Variants in PLEKHF2 observed in about 807,000 individuals in gnomAD.
The protein encoded by PLEKHF2 is pleckstrin homology domain-containing family F member 2.
A neutral mutation model predicts 14.7 loss-of-function variants in PLEKHF2; 4 were observed. That is an observed-to-expected ratio of 0.27 (90% CI 0.13 to 0.62). The LOEUF is 0.62. Among genes scored for constraint, PLEKHF2 ranks in the 20% least tolerant of loss-of-function variants. The pLI is 0.85. For missense variants in PLEKHF2, 201 were observed against 307.7 expected, an observed-to-expected ratio of 0.65 and a Z score of 2.60; for synonymous variants, 90 against 103.5, an observed-to-expected ratio of 0.87 and a Z score of 0.79.
intron 1 of PLEKHF2, among the ~76,000 whole-genome samples, chr8:95,153,124 G>T (rs1810580066): frequency 6.6e-6 from 1 of 152,028 alleles, no homozygotes; most frequent in Non-Finnish European, 1.5e-5. Context: ...TTTAGGTTCT[G>T]CATGGTCTCT....
intron 1 of PLEKHF2, among the ~76,000 whole-genome samples, chr8:95,137,381 G>C (rs1375705787): frequency 2.0e-5 from 3 of 152,204 alleles, no homozygotes; most frequent in Non-Finnish European, 2.9e-5. Context: ...TTCAGCCTTG[G>C]CTGCACATTA....
At chr8:95,145,296 T>C (rs1810485569) in intron 1 of PLEKHF2, among the ~76,000 whole-genome samples, 1 of 152,214 alleles carries the variant, frequency 6.6e-6, no homozygotes, top group African/African-American at 2.4e-5. Flanking sequence ...TAATAATTTC[T>C]ACAACACATA....
chr8:95,136,105 A>G (rs990272503), intron 1 of PLEKHF2, among the ~76,000 whole-genome samples: 4 of 152,146 alleles, frequency 2.6e-5, no homozygotes, highest in Non-Finnish European at 5.9e-5. Context: ...CAGGCAACAC[A>G]TCGGGTCTGA....
chr8:95,137,994 A>G (rs990328765), intron 1 of PLEKHF2, among the ~76,000 whole-genome samples: 2 of 152,034 alleles, frequency 1.3e-5, no homozygotes, highest in Admixed American at 1.3e-4. Context: ...TTCAACCTTG[A>G]ACTCTGTAGT....
Position 95,154,596 on chromosome 8 carries a change from G to A in PLEKHF2, c.552G>A (p.Gly184=), listed in dbSNP as rs141475582. ...HCRKCGFVVC[G]PCSEKRFLLP... Reference sequence around the variant, plus strand: ...GCAAATGTGGTTTTGTTGTCTGTGGGCCCTGCTCTGAAAAGAGATTTCTTC... The same window carrying A: ...GCAAATGTGGTTTTGTTGTCTGTGGACCCTGCTCTGAAAAGAGATTTCTTC... Residue 184 remains glycine (G), a synonymous_variant, in exon 2 of 2, where the codon GGG becomes GGA. Transcript: ENST00000315367. The surrounding 1 kb of genome is among the most constrained non-coding windows in gnomAD (Gnocchi z 5.6). 8.7e-6 allele frequency: 14 copies of A among 1,613,980 alleles called. No individual in the cohort carries two copies. The African/African-American group carries it at 1.3e-4, about 15-fold the overall frequency.
Position 95,136,373 on chromosome 8 carries a change from C to CACAT in PLEKHF2, c.-15+2344_-15+2345insCATA, listed in dbSNP as rs10534400. On this transcript the variant is annotated intron_variant, in intron 1 of 1. Coordinates refer to ENST00000315367, the MANE Select transcript of PLEKHF2 (RefSeq NM_024613.4). ...ACACACACACACACACACACACACA[C>CACAT]ATGTTTTGTTGTTGTTTTGTTGAGA... 5.8e-3 allele frequency among the ~76,000 whole-genome samples: 835 copies of CACAT among 145,210 alleles called. 10 individuals are homozygous for CACAT. Among genetic ancestry groups the CACAT allele is most frequent in the African/African-American group, 0.02 (780 of 39,218 alleles).
At chr8:95,136,465 A>G (rs1214861170) in intron 1 of PLEKHF2, among the ~76,000 whole-genome samples, 1 of 152,130 alleles carries the variant, frequency 6.6e-6, no homozygotes, top group African/African-American at 2.4e-5. Context: ...TGAAATTTCT[A>G]AGTAGATAAT....
chr8:95,143,156 G>C (rs1563882371), intron 1 of PLEKHF2, among the ~76,000 whole-genome samples: 1 of 149,414 alleles, frequency 6.7e-6, no homozygotes, highest in Non-Finnish European at 1.5e-5. Context: ...CTGGAGTGCA[G>C]TGGCACTATC....
In PLEKHF2 at chr8:95,135,548, G is replaced by A. The variant is rs149396949; in HGVS notation, c.-15+1518G>A. On this transcript the variant is annotated intron_variant, in intron 1 of 1. Transcript: ENST00000315367. The stretch of plus-strand genomic sequence containing the variant: ...CCTGAGTAGTTAGGACTACAGGAGC[G>A]CATCACCACACCTGGCTAATTTTTG... Among the ~76,000 whole-genome samples the A allele has an allele frequency of 6.2e-3, 938 of 152,218 alleles. 12 individuals are homozygous for A. Among genetic ancestry groups the A allele is most frequent in the African/African-American group, 0.022 (899 of 41,506 alleles).
chr8:95,143,809 T>A (rs890309632), intron 1 of PLEKHF2, among the ~76,000 whole-genome samples: 2 of 152,224 alleles, frequency 1.3e-5, no homozygotes, highest in Non-Finnish European at 2.9e-5. Context: ...GGATTTTAGA[T>A]TTGATTCTGT....
intron 1 of PLEKHF2, among the ~76,000 whole-genome samples, chr8:95,135,531 G>C (rs1045817807): frequency 5.3e-5 from 8 of 152,186 alleles, no homozygotes; most frequent in Non-Finnish European, 8.8e-5. Flanking sequence ...CTCCTGAGTA[G>C]TTAGGACTAC....
intron 1 of PLEKHF2, among the ~76,000 whole-genome samples, chr8:95,151,025 G>T (rs1348994617): frequency 9.9e-5 from 15 of 152,090 alleles, no homozygotes; most frequent in Admixed American, 9.8e-4. Flanking sequence ...TCAGCACATT[G>T]GTTGGACTCC....
rs113385638 is a variant in PLEKHF2, at chr8:95,151,363, GT to G, written c.-14-2658del. Among the ~76,000 whole-genome samples, 351 of 149,356 alleles carry G rather than the reference GT, an allele frequency of 2.4e-3. 1 individual carries two copies. Among genetic ancestry groups the G allele is most frequent in the African/African-American group, 7.9e-3 (325 of 40,912 alleles). The stretch of plus-strand genomic sequence containing the variant: ...AGGTGGAGAGAAATAGATCCTTTCA[GT>G]TTTTTTTTTAAAGTGCCAATGTCTT... On this transcript the variant is annotated intron_variant, in intron 1 of 1. Transcript: ENST00000315367.
chr8:95,145,986 A>C (rs1810496481), intron 1 of PLEKHF2, among the ~76,000 whole-genome samples: 1 of 152,178 alleles, frequency 6.6e-6, no homozygotes, highest in Non-Finnish European at 1.5e-5. Context: ...TCCATTCTCC[A>C]GTTGCTTGTT....
At chr8:95,149,973 G>A (rs1162461381) in intron 1 of PLEKHF2, among the ~76,000 whole-genome samples, 4 of 152,084 alleles carry the variant, frequency 2.6e-5, no homozygotes, top group African/African-American at 4.8e-5. Context: ...GGTAAATTTA[G>A]ATTTGGGCTT....
At chr8:95,144,204 G>T (rs1264932026) in intron 1 of PLEKHF2, among the ~76,000 whole-genome samples, 1 of 152,062 alleles carries the variant, frequency 6.6e-6, no homozygotes, top group Non-Finnish European at 1.5e-5. Flanking sequence ...GTCTATATTT[G>T]TTCCCTCTCT....
rs541625321 is a variant in PLEKHF2 at position 95,154,091 on chromosome 8, G to A, written c.47G>A (p.Ser16Asn). The A allele has an allele frequency of 2.3e-5, 37 of 1,613,638 alleles. No homozygotes were observed. The South Asian group carries it at 2.7e-4, about 12-fold the overall frequency. The change falls in exon 2 of 2, where the codon AGT becomes AAT. Residue 16 changes from serine (S) to asparagine (N), a missense_variant. Physicochemically the swap from Ser to Asn is conservative, Grantham distance 46. Coordinates refer to ENST00000315367, the MANE Select transcript of PLEKHF2 (RefSeq NM_024613.4). The surrounding 1 kb of genome is among the most constrained non-coding windows in gnomAD (Gnocchi z 5.6). ...AGTGAAGCAAATACTAGACGTATAA[G>A]TATAGTGGAAAACTGTTTTGGAGCA... The part of the protein sequence containing the change: ...ANSEANTRRI[S>N]IVENCFGAAG...
Position 95,147,231 on chromosome 8 carries a change from A to T in PLEKHF2, c.-14-6800A>T, listed in dbSNP as rs189600407. Among the ~76,000 whole-genome samples the T allele has an allele frequency of 2.1e-3, 317 of 152,174 alleles. 2 individuals carry two copies. Among genetic ancestry groups the T allele is most frequent in the Non-Finnish European group, 3.5e-3 (240 of 67,894 alleles). On this transcript the variant is annotated intron_variant, in intron 1 of 1. Coordinates refer to ENST00000315367, the MANE Select transcript of PLEKHF2 (RefSeq NM_024613.4). ...TAAACCTTAGCTACATGTTACAATT[A>T]TCTGAGGAGCTTTAAAAATAACTCC...
chr8:95,142,226 A>C (rs1453688409), intron 1 of PLEKHF2, among the ~76,000 whole-genome samples: 1 of 152,110 alleles, frequency 6.6e-6, no homozygotes, highest in Non-Finnish European at 1.5e-5. Flanking sequence ...GTTGAGCTTT[A>C]CCAGGTTTAT....
Sources: gnomAD v4.1 joint callset for allele counts (sites outside exome capture counted in the v4.1 genomes callset) on GRCh38, gnomAD v4.1.1 for gene constraint, Gnocchi (gnomAD v3.1) non-coding constraint, MANE v1.5 for transcripts, NCBI Gene and HGNC (gene_info 2026-07-23, HGNC 2026-07-21) for gene names.